The following ZNF160 variants were observed in gnomAD, a reference collection of about 807,000 sequenced individuals.
The protein encoded by ZNF160 is KRAB zinc finger protein KR18.
In ZNF160, 9 loss-of-function variants were observed where a neutral mutation model predicts 13.1. The observed-to-expected ratio is 0.69, with a 90% CI of 0.41 to 1.20. The LOEUF is 1.20. Among genes scored for constraint, ZNF160 ranks in the 50% most tolerant of loss-of-function variants. The pLI is 0.01. For synonymous variants in ZNF160, 293 were observed against 333.2 expected (o/e 0.88, Z 1.31); for missense variants, 838 against 988.0 (o/e 0.85, Z 2.04).
intron 1 of ZNF160, among the ~76,000 whole-genome samples, chr19:53,097,176 G>T (rs1274941604): frequency 8.5e-6 from 1 of 117,644 alleles, no homozygotes; most frequent in Non-Finnish European, 1.7e-5. Flanking sequence ...CACCGGCCTG[G>T]CTGCAAGAAT....
At chr19:53,087,584 CT>C (rs1178914794) in intron 2 of ZNF160, among the ~76,000 whole-genome samples, 2 of 152,088 alleles carry the variant, frequency 1.3e-5, no homozygotes, top group Non-Finnish European at 1.5e-5. Flanking sequence ...GAGTTTCACT[CT>C]TGTTGCCCAG....
intron 1 of ZNF160, among the ~76,000 whole-genome samples, chr19:53,092,312 T>C (rs1489880748): frequency 6.6e-6 from 1 of 152,060 alleles, no homozygotes; most frequent in Non-Finnish European, 1.5e-5. Flanking sequence ...TTTGATAGGG[T>C]ATTTTTTTTT....
At chr19:53,078,114 C>T (rs775632811) in intron 3 of ZNF160, among the ~76,000 whole-genome samples, 1 of 152,100 alleles carries the variant, frequency 6.6e-6, no homozygotes, top group Non-Finnish European at 1.5e-5. Flanking sequence ...GTGGTGGGCA[C>T]CTGTAATCCC....
chr19:53,093,393 C>G (rs548205736), intron 1 of ZNF160, among the ~76,000 whole-genome samples: 2 of 152,182 alleles, frequency 1.3e-5, no homozygotes, highest in South Asian at 2.1e-4. Flanking sequence ...GAGCCAAGAT[C>G]GTGCCACTGC....
chr19:53,072,992 T>TAC (rs757168747), intron 5 of ZNF160: 22 of 616,478 alleles, frequency 3.6e-5, no homozygotes, highest in Non-Finnish European at 4.5e-5. Context: ...TATATATATT[T>TAC]ACAGGAAACA....
chr19:53,074,562 C>T (rs923159080), intron 4 of ZNF160, among the ~76,000 whole-genome samples: 2 of 150,394 alleles, frequency 1.3e-5, no homozygotes, highest in Non-Finnish European at 3.0e-5. Context: ...CCCAGCTACT[C>T]GGGAGGCTAA....
chr19:53,097,325 C>T (rs2085273482), intron 1 of ZNF160, among the ~76,000 whole-genome samples: 1 of 147,882 alleles, frequency 6.8e-6, no homozygotes, highest in Non-Finnish European at 1.5e-5. Context: ...TTGAGTTGCA[C>T]CCACAGACGC....
chr19:53,071,162 C>T (rs2084159679), intron 5 of ZNF160, among the ~76,000 whole-genome samples: 1 of 152,086 alleles, frequency 6.6e-6, no homozygotes, highest in Non-Finnish European at 1.5e-5. Flanking sequence ...TGCCACTGCA[C>T]TCCAACCTGG....
intron 5 of ZNF160, chr19:53,073,590 C>T (rs2084266699): frequency 6.8e-7 from 1 of 1,460,152 alleles, no homozygotes; most frequent in South Asian, 1.4e-5. Context: ...CCCCTCTGAC[C>T]CATATGGACT....
In ZNF160 at chr19:53,075,112, C is replaced by T. The variant is rs376758707; in HGVS notation, c.87G>A (p.Gln29=). Residue 29 remains glutamine (Q), a synonymous_variant, in exon 4 of 6, where the codon CAG becomes CAA. Transcript: ENST00000683776. ...ACATCACGTCCCTGTATAAGATCCT[C>T]TGAGCAGGGTCCAGGCATTTCCACT... is the stretch of plus-strand genomic sequence containing the variant. ...QEEWKCLDPA[Q]RILYRDVMLE... is the part of the protein sequence containing the mutation. The T allele has an allele frequency of 2.2e-5, 35 of 1,614,206 alleles. No individual in the cohort carries two copies. The highest frequency in any genetic ancestry group is 3.0e-5 in the Non-Finnish European group (35 of 1,180,028).
At chr19:53,078,177 T>C (rs537104890) in intron 3 of ZNF160, among the ~76,000 whole-genome samples, 1 of 151,178 alleles carries the variant, frequency 6.6e-6, no homozygotes, top group South Asian at 2.1e-4. Flanking sequence ...GAGATGGAGG[T>C]TGCAATGAGC....
At chr19:53,084,484 G>C (rs916179416) in intron 3 of ZNF160, among the ~76,000 whole-genome samples, 4 of 152,172 alleles carry the variant, frequency 2.6e-5, no homozygotes, top group Non-Finnish European at 5.9e-5. Flanking sequence ...TGACAGAGCC[G>C]CCGTGCTCCG....
At chr19:53,096,875 AGACTCCTTTCCCTAAATGT>A (rs1364023743) in intron 1 of ZNF160, among the ~76,000 whole-genome samples, 3 of 125,224 alleles carry the variant, frequency 2.4e-5, no homozygotes, top group Admixed American at 1.6e-4. Context: ...GTGGACAGAA[AGACTCCTTTCCCTAAATGT>A]GACCCCATTA....
intron 3 of ZNF160, among the ~76,000 whole-genome samples, chr19:53,083,221 T>C (rs1000306757): frequency 2.0e-5 from 3 of 152,122 alleles, no homozygotes; most frequent in Non-Finnish European, 4.4e-5. Context: ...TTAACCTTCG[T>C]CGCCTCTCCC....
At chr19:53,090,629 G>T (rs532957717) in intron 2 of ZNF160, among the ~76,000 whole-genome samples, 7 of 152,294 alleles carry the variant, frequency 4.6e-5, no homozygotes, top group African/African-American at 1.7e-4. Flanking sequence ...CTCCTTCAAC[G>T]CTGGGTCAGA....
intron 1 of ZNF160, among the ~76,000 whole-genome samples, chr19:53,092,594 G>A (rs963495546): frequency 4.6e-5 from 7 of 152,182 alleles, no homozygotes; most frequent in African/African-American, 1.2e-4. Context: ...GATTACAGGC[G>A]TGAGCTACCA....
At chr19:53,091,134 A>G (rs1372303349) in intron 2 of ZNF160, 3 of 152,226 alleles carry the variant, frequency 2.0e-5, no homozygotes, top group Non-Finnish European at 4.4e-5. Context: ...GGATCACTTG[A>G]GCCCACAAAT....
intron 3 of ZNF160, chr19:53,085,815 G>A (rs1437401959): frequency 1.1e-5 from 5 of 473,374 alleles, no homozygotes; most frequent in African/African-American, 3.9e-5. Context: ...TCACTTGTTC[G>A]GCTTCAAATG....
rs1377475289 is a variant in ZNF160 at position 53,069,585 on chromosome 19, C to T, written c.949G>A (p.Glu317Lys). The T allele has an allele frequency of 6.2e-7, 1 of 1,614,170 alleles. No individual in the cohort carries two copies. The highest frequency in any genetic ancestry group is 1.1e-5 in the South Asian group (1 of 91,084). The part of the protein sequence containing the change: ...HTGEKPYKCH[E>K]CGKVFRHNSY... ...TTGTGCCTGAAGACCTTGCCACACT[C>T]ATGACATTTGTAAGGTTTTTCTCCA... The change falls in exon 6 of 6, where the codon GAG becomes AAG. Residue 317 changes from glutamate to lysine, a missense_variant. Physicochemically the swap from Glu to Lys is moderately conservative, Grantham distance 56. Around this residue, in one of 3 missense-constraint regions of ZNF160, gnomAD observed 387 missense variants for 402.3 expected, o/e 0.96. Coordinates refer to ENST00000683776, the MANE Select transcript of ZNF160 (RefSeq NM_001322131.2). The surrounding 1 kb of genome is among the most constrained non-coding windows in gnomAD (Gnocchi z 4.4).
Sources: allele counts gnomAD v4.1 joint callset (sites outside exome capture counted in the v4.1 genomes callset), GRCh38; gene constraint gnomAD v4.1.1; regional missense constraint gnomAD v4.1.1; non-coding constraint Gnocchi (gnomAD v3.1); transcripts MANE v1.5; gene names NCBI Gene and HGNC (gene_info 2026-07-23, HGNC 2026-07-21).